Variants in SPIDR observed in about 807,000 individuals in gnomAD.
SPIDR encodes scaffold protein involved in DNA repair.
Under a neutral mutation model 104.6 loss-of-function variants are expected in SPIDR, and 93 were observed. That is an observed-to-expected ratio of 0.89 (90% CI 0.75 to 1.06). The LOEUF is 1.06. Among genes scored for constraint, SPIDR ranks in the 50% least tolerant of loss-of-function variants. The pLI is 0.00. For synonymous variants in SPIDR, 431 were observed against 416.9 expected (o/e 1.03, Z -0.41); for missense variants, 1,154 against 1,111.2 (o/e 1.04, Z -0.55).
At chr8:47,724,248 G>A (rs1406232439) in intron 16 of SPIDR, among the ~76,000 whole-genome samples, 2 of 152,130 alleles carry the variant, frequency 1.3e-5, no homozygotes, top group East Asian at 1.9e-4. Context: ...CCTTTAATGA[G>A]AACCAGTCAA....
intron 8 of SPIDR, among the ~76,000 whole-genome samples, chr8:47,508,835 G>T (rs2154374931): frequency 6.6e-6 from 1 of 152,298 alleles, no homozygotes; most frequent in South Asian, 2.1e-4. Context: ...GTGCTGAGAA[G>T]TCCGGTTGTT....
chr8:47,301,172 T>G (rs1481274147), intron 5 of SPIDR, among the ~76,000 whole-genome samples: 3 of 152,232 alleles, frequency 2.0e-5, no homozygotes, highest in Admixed American at 6.5e-5. Flanking sequence ...TAGCTCTTCT[T>G]GTTGAATGAT....
chr8:47,297,087 T>C (rs2040987473), intron 5 of SPIDR, among the ~76,000 whole-genome samples: 1 of 152,220 alleles, frequency 6.6e-6, no homozygotes, highest in African/African-American at 2.4e-5. Context: ...CTTTACTGAA[T>C]TTGTTTATCA....
intron 10 of SPIDR, among the ~76,000 whole-genome samples, chr8:47,622,686 G>A (rs1354721276): frequency 2.0e-5 from 3 of 152,130 alleles, no homozygotes; most frequent in Admixed American, 6.6e-5. Flanking sequence ...TGGATGAGGC[G>A]AAAACCCTTT....
chr8:47,269,379 T>A (rs1401988694), intron 1 of SPIDR, among the ~76,000 whole-genome samples: 2 of 151,754 alleles, frequency 1.3e-5, no homozygotes, highest in Admixed American at 1.3e-4. Context: ...TGCCTCAGCC[T>A]CCTGAGTAGT....
At chr8:47,308,018 G>T (rs2043407711) in intron 5 of SPIDR, among the ~76,000 whole-genome samples, 1 of 151,848 alleles carries the variant, frequency 6.6e-6, no homozygotes, top group Non-Finnish European at 1.5e-5. Flanking sequence ...TAATGATGTG[G>T]TAAGTCTGGA....
At chr8:47,603,459 T>C (rs1416956295) in intron 10 of SPIDR, among the ~76,000 whole-genome samples, 1 of 152,100 alleles carries the variant, frequency 6.6e-6, no homozygotes, top group African/African-American at 2.4e-5. Context: ...AGTGGAGCAA[T>C]CATGGCTTAC....
rs894447546 is a variant in SPIDR at position 47,270,560 on chromosome 8, T to C, written c.34-9302T>C. ...CCAAACCTCCTTGGTCAGCCTAGCT[T>C]GTCAATTTTGTTGATCTTTTTGAGG... On this transcript the variant is annotated intron_variant, in intron 1 of 19. Coordinates refer to ENST00000297423, the MANE Select transcript of SPIDR (RefSeq NM_001080394.4). Among the ~76,000 whole-genome samples, 30 of 152,252 alleles carry C rather than the reference T, an allele frequency of 2.0e-4. No homozygotes were observed. In the South Asian group the frequency reaches 6.2e-3, roughly 32 times the overall value.
chr8:47,603,336 CT>C (rs1252762493), intron 10 of SPIDR, among the ~76,000 whole-genome samples: 1 of 152,094 alleles, frequency 6.6e-6, no homozygotes, highest in Non-Finnish European at 1.5e-5. Flanking sequence ...TTCTTTCTCC[CT>C]TTCTAAAACA....
chr8:47,401,067 T>C (rs568828281), intron 6 of SPIDR, among the ~76,000 whole-genome samples: 3 of 151,182 alleles, frequency 2.0e-5, no homozygotes, highest in Non-Finnish European at 4.4e-5. Context: ...GAGGAAGAAA[T>C]GTTAAGGGCA....
chr8:47,273,543 G>A (rs1340239434), intron 1 of SPIDR, among the ~76,000 whole-genome samples: 2 of 151,950 alleles, frequency 1.3e-5, no homozygotes, highest in Non-Finnish European at 2.9e-5. Flanking sequence ...TGTATGTTCA[G>A]CAACTGAGAA....
chr8:47,342,212 C>T (rs1291019553), intron 5 of SPIDR, among the ~76,000 whole-genome samples: 4 of 151,866 alleles, frequency 2.6e-5, no homozygotes, highest in African/African-American at 9.7e-5. Context: ...CTAGGGCAGG[C>T]CTGACCTCCT....
At chr8:47,493,354 C>T (rs899472465) in intron 8 of SPIDR, among the ~76,000 whole-genome samples, 1 of 151,926 alleles carries the variant, frequency 6.6e-6, no homozygotes, top group African/African-American at 2.4e-5. Context: ...CCACAAATAC[C>T]ATTATTATTT....
At chr8:47,423,352 A>T (rs2065889476) in intron 7 of SPIDR, among the ~76,000 whole-genome samples, 1 of 151,874 alleles carries the variant, frequency 6.6e-6, no homozygotes, top group Non-Finnish European at 1.5e-5. Context: ...CATGTCTGTA[A>T]TCCCAGCACT....
intron 1 of SPIDR, among the ~76,000 whole-genome samples, chr8:47,278,989 C>T (rs902939407): frequency 2.0e-5 from 3 of 151,642 alleles, no homozygotes; most frequent in African/African-American, 4.8e-5. Flanking sequence ...TGGGCTCAAG[C>T]GATCCTCCTG....
intron 10 of SPIDR, among the ~76,000 whole-genome samples, chr8:47,631,092 C>T (rs937764688): frequency 6.6e-5 from 10 of 152,266 alleles, no homozygotes; most frequent in South Asian, 2.1e-4. Flanking sequence ...GGCTGAGGCC[C>T]TCATCTCTGA....
chr8:47,462,489 T>C (rs886741585), intron 8 of SPIDR, among the ~76,000 whole-genome samples: 1 of 151,794 alleles, frequency 6.6e-6, no homozygotes, highest in Non-Finnish European at 1.5e-5. Flanking sequence ...TCTATCATTT[T>C]CCCCCCAAAT....
intron 10 of SPIDR, 96 bp from the exon 11 acceptor site, chr8:47,673,705 G>A (rs2076073756): frequency 7.9e-6 from 12 of 1,510,438 alleles, no homozygotes; most frequent in Non-Finnish European, 1.1e-5. Context: ...AGTCACAGCA[G>A]TATATAGTGG....
At chr8:47,693,594 G>A (rs1169460401) in intron 11 of SPIDR, among the ~76,000 whole-genome samples, 7 of 152,180 alleles carry the variant, frequency 4.6e-5, no homozygotes, top group Admixed American at 3.9e-4. Flanking sequence ...TGTCATCTAG[G>A]CACTGGGATT....
Sources: allele counts gnomAD v4.1 joint callset (sites outside exome capture counted in the v4.1 genomes callset), GRCh38; gene constraint gnomAD v4.1.1; transcripts MANE v1.5; gene names NCBI Gene and HGNC (gene_info 2026-07-23, HGNC 2026-07-21).